Variants in RASAL2 observed in about 807,000 individuals in gnomAD.
RASAL2 encodes the protein RAS protein activator like 2.
A neutral mutation model predicts 128.9 loss-of-function variants in RASAL2; 58 were observed. That is an observed-to-expected ratio of 0.45 (90% confidence interval 0.36 to 0.56). RASAL2 has a LOEUF of 0.56. Among genes scored for constraint, RASAL2 ranks in the 20% least tolerant of loss-of-function variants. RASAL2 has a pLI of 0.00. For missense variants in RASAL2, 1,360 were observed against 1,601.6 expected (o/e 0.85, Z 2.57); for synonymous variants, 561 against 580.8 (o/e 0.97, Z 0.49).
intron 1 of RASAL2, among the ~76,000 whole-genome samples, chr1:178,132,596 T>C (rs1328480309): frequency 6.6e-6 from 1 of 152,160 alleles, no homozygotes; most frequent in East Asian, 1.9e-4. Flanking sequence ...GGTTTTGCAA[T>C]TATGAATGAC....
intron 9 of RASAL2, among the ~76,000 whole-genome samples, chr1:178,448,501 AT>A (rs1295072613): frequency 2.0e-5 from 3 of 152,098 alleles, no homozygotes; most frequent in South Asian, 4.1e-4. Flanking sequence ...TTATCTTCAT[AT>A]TTTTTTCTCT....
intron 1 of RASAL2, among the ~76,000 whole-genome samples, chr1:178,165,851 T>C (rs745840329): frequency 6.6e-6 from 1 of 152,194 alleles, no homozygotes; most frequent in South Asian, 2.1e-4. Flanking sequence ...AGAGTTGCCC[T>C]GCTCACTGTC....
At chr1:178,372,169 C>G (rs1169688063) in intron 3 of RASAL2, 2 of 985,180 alleles carry the variant, frequency 2.0e-6, no homozygotes, top group African/African-American at 1.7e-5. Context: ...AGAATTTAGT[C>G]TCTGTATCCT....
chr1:178,095,946 T>C (rs1658664596), intron 1 of RASAL2, among the ~76,000 whole-genome samples: 1 of 152,210 alleles, frequency 6.6e-6, no homozygotes, highest in African/African-American at 2.4e-5. Context: ...ATTCTTCTTA[T>C]AACCAGTTCT....
At chr1:178,228,391 C>T (rs1266988730) in intron 1 of RASAL2, among the ~76,000 whole-genome samples, 2 of 151,794 alleles carry the variant, frequency 1.3e-5, no homozygotes, top group East Asian at 1.9e-4. Flanking sequence ...ACTAGCCTGG[C>T]CAAGATGGTG....
intron 1 of RASAL2, among the ~76,000 whole-genome samples, chr1:178,239,455 T>C (rs995821837): frequency 2.6e-4 from 40 of 152,064 alleles, no homozygotes; most frequent in Non-Finnish European, 1.0e-4. Flanking sequence ...GAAGATGTTA[T>C]ACAACTGGCA....
chr1:178,231,903 T>TAC (rs1664024014), intron 1 of RASAL2, among the ~76,000 whole-genome samples: 1 of 152,200 alleles, frequency 6.6e-6, no homozygotes, highest in Non-Finnish European at 1.5e-5. Context: ...ATTTAGAGAC[T>TAC]ATATAAACAA....
At chr1:178,451,463 A>G (rs1249313238) in intron 9 of RASAL2, 108 bp from the exon 10 acceptor site, 5 of 1,223,988 alleles carry the variant, frequency 4.1e-6, no homozygotes, top group Non-Finnish European at 5.5e-6. Context: ...TGTCAGATCT[A>G]GAAAAGAATT....
intron 1 of RASAL2, among the ~76,000 whole-genome samples, chr1:178,150,375 A>T (rs945231174): frequency 6.6e-6 from 1 of 151,956 alleles, no homozygotes; most frequent in South Asian, 2.1e-4. Context: ...TAGTAGAGAC[A>T]GGGTTTTGCC....
At position 178,380,582 on chromosome 1, in the gene RASAL2, G is replaced by T. The variant is rs148770169; in HGVS notation, c.458-9518G>T. ...TAAGCACATGTGTCTATTGAGTGGG[G>T]GTAGGGGCAGGTGTCCAGACAAAGT... On this transcript the variant is annotated intron_variant, in intron 3 of 17. Transcript: ENST00000367649. Among the ~76,000 whole-genome samples the T allele has an allele frequency of 3.9e-5, 6 of 152,202 alleles. No individual in the cohort carries two copies. The East Asian group carries it at 7.7e-4, about 20-fold the overall frequency.
chr1:178,116,400 C>T (rs539294435), intron 1 of RASAL2, among the ~76,000 whole-genome samples: 1 of 152,082 alleles, frequency 6.6e-6, no homozygotes, highest in African/African-American at 2.4e-5. Context: ...AAAGAGTATA[C>T]CTAGTTCAGT....
At chr1:178,130,745 T>A (rs1308268809) in intron 1 of RASAL2, among the ~76,000 whole-genome samples, 1 of 152,216 alleles carries the variant, frequency 6.6e-6, no homozygotes, top group Non-Finnish European at 1.5e-5. Flanking sequence ...TCTTCTGATT[T>A]GGCTTTTCCT....
chr1:178,311,174 A>G (rs555859887), intron 3 of RASAL2, among the ~76,000 whole-genome samples: 7 of 152,054 alleles, frequency 4.6e-5, no homozygotes, highest in Admixed American at 2.0e-4. Context: ...CAAACCTACT[A>G]AAGGTGTTTT....
At chr1:178,277,147 C>CA (rs61384367) in intron 1 of RASAL2, among the ~76,000 whole-genome samples, 7,608 of 49,580 alleles carry the variant, frequency 0.15, 374 homozygotes, top group African/African-American at 0.26. Context: ...GATTCCCTCT[C>CA]AAAAAAAAAA....
At chr1:178,292,308 A>G (rs888366482) in intron 2 of RASAL2, among the ~76,000 whole-genome samples, 29 of 152,244 alleles carry the variant, frequency 1.9e-4, no homozygotes, top group Non-Finnish European at 2.8e-4. Context: ...AGTATCACTC[A>G]TGTATTAAGT....
At chr1:178,450,365 A>T (rs1044397517) in intron 9 of RASAL2, among the ~76,000 whole-genome samples, 4 of 152,132 alleles carry the variant, frequency 2.6e-5, no homozygotes, top group African/African-American at 9.7e-5. Context: ...AGTCAGTTAA[A>T]TGATGGATCC....
At chr1:178,437,268 A>G (rs922114302) in intron 5 of RASAL2, among the ~76,000 whole-genome samples, 1 of 152,168 alleles carries the variant, frequency 6.6e-6, no homozygotes, top group African/African-American at 2.4e-5. Flanking sequence ...AAGACTTGAA[A>G]TAACACCTGG....
intron 16 of RASAL2, among the ~76,000 whole-genome samples, chr1:178,466,346 T>G (rs762652601): frequency 1.3e-5 from 2 of 152,206 alleles, no homozygotes; most frequent in Non-Finnish European, 2.9e-5. Context: ...TTAGAAAAAA[T>G]TAAAACTTGG....
At chr1:178,470,318 A>G (rs1306124014) in intron 17 of RASAL2, among the ~76,000 whole-genome samples, 1 of 152,178 alleles carries the variant, frequency 6.6e-6, no homozygotes, top group Non-Finnish European at 1.5e-5. Flanking sequence ...GCTCCCAGGA[A>G]AATCTTGTCC....
Sources: gnomAD v4.1 joint callset for allele counts (sites outside exome capture counted in the v4.1 genomes callset) on GRCh38, gnomAD v4.1.1 for gene constraint, MANE v1.5 for transcripts, NCBI Gene and HGNC (gene_info 2026-07-23, HGNC 2026-07-21) for gene names.